Variants in CSMD1 observed in about 807,000 individuals in gnomAD.
CSMD1 encodes the protein CUB and sushi domain-containing protein 1.
CSMD1 carries 213 observed loss-of-function variants against 417.5 expected under a neutral mutation model. That is an observed-to-expected ratio of 0.51 (90% CI 0.46 to 0.57). CSMD1 has a LOEUF of 0.57. Among genes scored for constraint, CSMD1 ranks in the 20% least tolerant of loss-of-function variants. The pLI is 0.00. For missense variants in CSMD1, 6,923 were observed against 4,529.7 expected (o/e 1.53, Z -15.17); for synonymous variants, 2,862 against 1,736.8 (o/e 1.65, Z -16.11).
intron 7 of CSMD1, among the ~76,000 whole-genome samples, chr8:3,670,384 T>C (rs1455155416): frequency 2.0e-5 from 3 of 151,660 alleles, no homozygotes; most frequent in East Asian, 1.9e-4. Context: ...AGTTTGCAGA[T>C]GGCCTATTGT....
rs116423840 is a variant in CSMD1 at position 3,567,930 on chromosome 8, C to T, written c.1344+7015G>A. 8.5e-3 allele frequency among the ~76,000 whole-genome samples: 1,298 copies of T among 152,242 alleles called. 27 individuals carry two copies. The highest frequency in any genetic ancestry group is 0.03 in the African/African-American group (1,244 of 41,544). On this transcript the variant is annotated intron_variant, in intron 10 of 69. Coordinates refer to ENST00000635120, the MANE Select transcript of CSMD1 (RefSeq NM_033225.6). ...TCATCACACACATGTGTTGACATCC[C>T]CATGGACGCCGGAGATGGAAACCCA...
chr8:4,410,614 G>A (rs1796598307), intron 3 of CSMD1, among the ~76,000 whole-genome samples: 1 of 152,062 alleles, frequency 6.6e-6, no homozygotes, highest in Admixed American at 6.5e-5. Flanking sequence ...CTGAAATTAT[G>A]TATTACCAAA....
intron 10 of CSMD1, among the ~76,000 whole-genome samples, chr8:3,519,623 C>A (rs1215558247): frequency 3.9e-5 from 6 of 152,146 alleles, no homozygotes; most frequent in Non-Finnish European, 5.9e-5. Flanking sequence ...ATGTGCCACT[C>A]AGCTATCTGT....
intron 18 of CSMD1, among the ~76,000 whole-genome samples, chr8:3,387,194 C>A (rs1340221096): frequency 6.6e-6 from 1 of 152,136 alleles, no homozygotes; most frequent in East Asian, 1.9e-4. Flanking sequence ...GCGACTATAC[C>A]GCCCCACGTG....
At chr8:4,375,965 C>A (rs895603642) in intron 3 of CSMD1, among the ~76,000 whole-genome samples, 1 of 152,146 alleles carries the variant, frequency 6.6e-6, no homozygotes, top group Non-Finnish European at 1.5e-5. Flanking sequence ...CCAGGCCTTG[C>A]CAATGCTGCT....
At chr8:3,969,157 G>A (rs1276404324) in intron 5 of CSMD1, among the ~76,000 whole-genome samples, 1 of 152,152 alleles carries the variant, frequency 6.6e-6, no homozygotes, top group African/African-American at 2.4e-5. Context: ...GGCTGAGGGA[G>A]GAGAATTGCT....
chr8:3,963,121 G>C (rs964544051), intron 5 of CSMD1, among the ~76,000 whole-genome samples: 3 of 151,900 alleles, frequency 2.0e-5, no homozygotes, highest in South Asian at 2.1e-4. Context: ...TAGTAGAGAC[G>C]GGGTTTTACC....
In CSMD1 at chr8:3,813,924, G is replaced by A. The variant is rs74814327; in HGVS notation, c.819-59882C>T. Among the ~76,000 whole-genome samples the A allele has an allele frequency of 1.3e-4, 20 of 152,294 alleles. No individual in the cohort carries two copies. The East Asian group carries it at 3.5e-3, about 26-fold the overall frequency. ...GCTACTCTTCTTACTTGTTAAGTCT[G>A]TTGCTTCTGGAGTCTTTTCTGAGAA... On this transcript the variant is annotated intron_variant, in intron 5 of 69. Coordinates refer to ENST00000635120, the MANE Select transcript of CSMD1 (RefSeq NM_033225.6).
intron 22 of CSMD1, 35 bp downstream of exon 22, chr8:3,347,957 C>T (rs1487997959): frequency 6.8e-7 from 1 of 1,480,228 alleles, no homozygotes; most frequent in East Asian, 2.4e-5. Flanking sequence ...GAGAAGAAAA[C>T]TTGGAGTCAT....
At chr8:3,028,948 A>G (rs907015677) in intron 51 of CSMD1, among the ~76,000 whole-genome samples, 2 of 152,218 alleles carry the variant, frequency 1.3e-5, no homozygotes, top group Admixed American at 6.5e-5. Context: ...TGAGAACACA[A>G]TATCTTCAGC....
At chr8:3,051,787 T>C (rs1197867574) in intron 50 of CSMD1, among the ~76,000 whole-genome samples, 7 of 152,222 alleles carry the variant, frequency 4.6e-5, no homozygotes, top group African/African-American at 1.7e-4. Flanking sequence ...ATACCTGCAA[T>C]GAAAATCTTG....
intron 2 of CSMD1, among the ~76,000 whole-genome samples, chr8:4,468,952 A>AC (rs34483538): frequency 0.39 from 59,638 of 152,050 alleles, 12,948 homozygotes; most frequent in Middle Eastern, 0.5. Flanking sequence ...CTCCTTACAG[A>AC]CCTTCAAGAG....
intron 10 of CSMD1, among the ~76,000 whole-genome samples, chr8:3,544,475 G>C (rs922772467): frequency 3.9e-5 from 6 of 152,202 alleles, no homozygotes; most frequent in East Asian, 3.9e-4. Flanking sequence ...CCATGGAGTA[G>C]CTTGCTCTTT....
intron 5 of CSMD1, among the ~76,000 whole-genome samples, chr8:3,831,737 T>C (rs1031478611): frequency 6.6e-6 from 1 of 152,174 alleles, no homozygotes; most frequent in Non-Finnish European, 1.5e-5. Context: ...GGTTTCCAAA[T>C]ACAGTTCTCG....
At chr8:3,792,891 C>A (rs1227282475) in intron 5 of CSMD1, among the ~76,000 whole-genome samples, 1 of 152,200 alleles carries the variant, frequency 6.6e-6, no homozygotes, top group Non-Finnish European at 1.5e-5. Context: ...TTGAGAACAT[C>A]TAACCTACCT....
intron 3 of CSMD1, among the ~76,000 whole-genome samples, chr8:4,269,230 T>A (rs979331420): frequency 4.6e-5 from 7 of 152,216 alleles, no homozygotes; most frequent in African/African-American, 1.7e-4. Flanking sequence ...CTAATTTTTG[T>A]ATATTTAGCA....
chr8:4,723,413 T>A lies in CSMD1; in HGVS notation c.86-85855A>T, dbSNP rs183036755. On this transcript the variant is annotated intron_variant, in intron 1 of 69. Transcript: ENST00000635120. ...CATTTCTGAAAACAAAAAGAGGGTT[T>A]AATACTTTGGAGTACATAATAATGT... is the stretch of plus-strand genomic sequence containing the variant. Among the ~76,000 whole-genome samples, 3 of 152,284 alleles carry A rather than the reference T, an allele frequency of 2.0e-5. No individual in the cohort carries two copies. In the East Asian group the frequency reaches 5.8e-4, roughly 29 times the overall value.
intron 5 of CSMD1, among the ~76,000 whole-genome samples, chr8:3,995,645 C>G (rs531041551): frequency 6.6e-6 from 1 of 152,342 alleles, no homozygotes; most frequent in South Asian, 2.1e-4. Flanking sequence ...CTCTGCATAT[C>G]TCAGTTTTAT....
intron 5 of CSMD1, among the ~76,000 whole-genome samples, chr8:3,881,426 G>C (rs1158382996): frequency 6.6e-6 from 1 of 151,392 alleles, no homozygotes; most frequent in African/African-American, 2.4e-5. Context: ...ACAAGGTTAG[G>C]AGTTCAAAGA....
Sources: allele counts gnomAD v4.1 joint callset (sites outside exome capture counted in the v4.1 genomes callset), GRCh38; gene constraint gnomAD v4.1.1; transcripts MANE v1.5; gene names NCBI Gene and HGNC (gene_info 2026-07-23, HGNC 2026-07-21).